The following SGCD variants were observed in gnomAD, a reference collection of about 807,000 sequenced individuals.
The protein encoded by SGCD is delta-sarcoglycan.
A neutral mutation model predicts 36.6 loss-of-function variants in SGCD; 18 were observed. The ratio of observed to expected loss-of-function variants is 0.49; its 90% CI spans 0.34 to 0.73. The LOEUF is 0.73. Ranked by LOEUF, SGCD falls within the 30% of genes least tolerant of loss-of-function variation. SGCD has a pLI of 0.01. For missense variants in SGCD, 387 were observed against 346.7 expected (o/e 1.12, Z -0.92); for synonymous variants, 133 against 130.6 (o/e 1.02, Z -0.12).
chr5:156,309,718 C>G (rs1767339655), intron 3 of SGCD, among the ~76,000 whole-genome samples: 1 of 151,380 alleles, frequency 6.6e-6, no homozygotes, highest in Non-Finnish European at 1.5e-5. Flanking sequence ...GAACTCCTGA[C>G]CTCATGATCC....
chr5:156,027,620 T>C (rs569911927), intron 1 of SGCD, among the ~76,000 whole-genome samples: 2 of 152,114 alleles, frequency 1.3e-5, no homozygotes, highest in Admixed American at 6.5e-5. Flanking sequence ...ACCTCACACA[T>C]GGTAGGTACT....
intron 3 of SGCD, among the ~76,000 whole-genome samples, chr5:156,348,284 G>A (rs1477393301): frequency 2.0e-5 from 3 of 151,972 alleles, no homozygotes; most frequent in Non-Finnish European, 4.4e-5. Context: ...AGAAATAAAG[G>A]GCATCCAAAT....
At chr5:156,197,166 A>C (rs953090989) in intron 3 of SGCD, among the ~76,000 whole-genome samples, 18 of 152,170 alleles carry the variant, frequency 1.2e-4, no homozygotes, top group African/African-American at 3.6e-4. Flanking sequence ...TGATTCCCTT[A>C]GAAAATTTGC....
intron 3 of SGCD, among the ~76,000 whole-genome samples, chr5:156,423,194 ATAT>A (rs1456384076): frequency 2.6e-4 from 28 of 107,350 alleles, no homozygotes; most frequent in African/African-American, 1.3e-3. Context: ...ATATAATATA[ATAT>A]TATATTTTAT....
intron 4 of SGCD, among the ~76,000 whole-genome samples, chr5:156,566,107 A>C (rs1301694145): frequency 1.3e-5 from 2 of 152,202 alleles, no homozygotes; most frequent in Non-Finnish European, 2.9e-5. Context: ...GCTCAGCATC[A>C]CTGGTCATTA....
intron 4 of SGCD, among the ~76,000 whole-genome samples, chr5:156,588,898 T>C (rs1284716453): frequency 1.3e-5 from 2 of 152,124 alleles, no homozygotes; most frequent in African/African-American, 2.4e-5. Flanking sequence ...ATACCAAGAC[T>C]AATATTTTCA....
At chr5:155,990,986 G>A (rs1758421213) in intron 1 of SGCD, among the ~76,000 whole-genome samples, 1 of 152,140 alleles carries the variant, frequency 6.6e-6, no homozygotes, top group African/African-American at 2.4e-5. Flanking sequence ...CTGGAAGGTT[G>A]TAAAACCTTC....
At chr5:156,481,076 AC>A (rs1389878263) in intron 3 of SGCD, among the ~76,000 whole-genome samples, 13 of 152,370 alleles carry the variant, frequency 8.5e-5, no homozygotes, top group African/African-American at 2.9e-4. Flanking sequence ...AATCAAGAGC[AC>A]AGTAATAGTA....
intron 3 of SGCD, among the ~76,000 whole-genome samples, chr5:156,235,755 A>G (rs1016186887): frequency 2.4e-4 from 36 of 152,336 alleles, no homozygotes; most frequent in African/African-American, 7.5e-4. Flanking sequence ...ATGTGTGTCA[A>G]TTAACAAGGT....
chr5:156,352,699 A>G (rs1435857603), intron 3 of SGCD, among the ~76,000 whole-genome samples: 1 of 152,216 alleles, frequency 6.6e-6, no homozygotes, highest in Non-Finnish European at 1.5e-5. Context: ...AAACTCATAC[A>G]GGATTAACTT....
intron 1 of SGCD, among the ~76,000 whole-genome samples, chr5:156,060,421 G>C (rs893826207): frequency 6.8e-6 from 1 of 146,504 alleles, no homozygotes; most frequent in African/African-American, 2.5e-5. Context: ...CAGCTAAAAA[G>C]TCTTTCTATC....
intron 7 of SGCD, among the ~76,000 whole-genome samples, chr5:156,689,114 A>G (rs555088275): frequency 5.9e-5 from 9 of 152,328 alleles, no homozygotes; most frequent in African/African-American, 2.2e-4. Context: ...TTTAGTTAAT[A>G]GTATGGGATT....
At chr5:156,653,231 T>C (rs1763530245) in intron 7 of SGCD, among the ~76,000 whole-genome samples, 1 of 152,090 alleles carries the variant, frequency 6.6e-6, no homozygotes, top group Non-Finnish European at 1.5e-5. Flanking sequence ...CCTGGGGCTT[T>C]TTTTGTTAAT....
chr5:156,584,429 C>T (rs961974063), intron 4 of SGCD, among the ~76,000 whole-genome samples: 3 of 152,154 alleles, frequency 2.0e-5, no homozygotes, highest in Admixed American at 1.3e-4. Flanking sequence ...AGACCAGGGG[C>T]TACCTGCTCA....
chr5:156,200,669 T>C (rs1764125103), intron 3 of SGCD, among the ~76,000 whole-genome samples: 1 of 152,096 alleles, frequency 6.6e-6, no homozygotes. Context: ...TTATGCAAAC[T>C]AGTATGGAGG....
At chr5:156,576,081 C>T (rs1242121551) in intron 4 of SGCD, among the ~76,000 whole-genome samples, 1 of 151,996 alleles carries the variant, frequency 6.6e-6, no homozygotes, top group Non-Finnish European at 1.5e-5. Context: ...CCCTGCCCCC[C>T]ACCCCACAAT....
intron 1 of SGCD, among the ~76,000 whole-genome samples, chr5:156,093,573 A>G (rs531931751): frequency 6.6e-6 from 1 of 152,338 alleles, no homozygotes; most frequent in African/African-American, 2.4e-5. Context: ...TTAGTCCTCT[A>G]ACTCCTACCA....
intron 3 of SGCD, among the ~76,000 whole-genome samples, chr5:156,250,055 T>C (rs1222311354): frequency 1.3e-5 from 2 of 152,244 alleles, no homozygotes; most frequent in Non-Finnish European, 2.9e-5. Context: ...TGGCTGTCTC[T>C]GGGCTCTCCT....
Position 156,765,955 on chromosome 5 carries a change from A to G in SGCD, c.*6565A>G, listed in dbSNP as rs1028468601. On this transcript the variant is annotated 3_prime_UTR_variant, in exon 9 of 9. Transcript: ENST00000337851. ...AAGTATAGATACCTAAGGGGAAAAT[A>G]TAGAAAGCCTGCCTGAATAATAGAA... 8 of 152,062 alleles carry G rather than the reference A, an allele frequency of 5.3e-5. No homozygotes were observed. Among genetic ancestry groups the G allele is most frequent in the African/African-American group, 1.9e-4 (8 of 41,390 alleles). The allele number at this position is 152,062 out of a possible 1,614,324, so 9.4% of individuals were successfully genotyped here. A position where few individuals can be genotyped will look rare whatever the true frequency, so the allele number is the denominator to read the frequency against.
Sources: allele counts gnomAD v4.1 joint callset (sites outside exome capture counted in the v4.1 genomes callset), GRCh38; gene constraint gnomAD v4.1.1; transcripts MANE v1.5; gene names NCBI Gene and HGNC (gene_info 2026-07-23, HGNC 2026-07-21).